The following TECPR2 variants were observed in gnomAD, a reference collection of about 807,000 sequenced individuals.
TECPR2 encodes tectonin beta-propeller repeat containing 2.
In TECPR2, 65 loss-of-function variants were observed where a neutral mutation model predicts 138.1. The observed-to-expected ratio is 0.47, with a 90% CI of 0.39 to 0.58. The LOEUF (loss-of-function observed/expected upper bound fraction) is 0.58, where lower values mean the gene tolerates loss of function less well. Ranked by LOEUF, TECPR2 falls within the 20% of genes least tolerant of loss-of-function variation. The pLI is 0.00. For missense variants in TECPR2, 1,553 were observed against 1,824.5 expected (o/e 0.85, Z 2.71); for synonymous variants, 746 against 749.8 (o/e 0.99, Z 0.08).
chr14:102,461,406 TAAATA>T (rs1890407124), intron 16 of TECPR2, among the ~76,000 whole-genome samples: 1 of 152,250 alleles, frequency 6.6e-6, no homozygotes, highest in African/African-American at 2.4e-5. Context: ...AAGTATTTTA[TAAATA>T]AAATGTCAAA....
At chr14:102,435,972 G>A (rs74444164) in intron 9 of TECPR2, among the ~76,000 whole-genome samples, 1 of 152,206 alleles carries the variant, frequency 6.6e-6, no homozygotes, top group African/African-American at 2.4e-5. Context: ...TTACAGCCAC[G>A]TGTGCTTTCC....
intron 2 of TECPR2, among the ~76,000 whole-genome samples, chr14:102,390,622 C>A (rs1037223417): frequency 6.6e-6 from 1 of 152,054 alleles, no homozygotes; most frequent in Non-Finnish European, 1.5e-5. Context: ...GGAGAGATAG[C>A]TTTTGAGAGC....
chr14:102,453,965 A>G (rs1443064312), intron 16 of TECPR2, among the ~76,000 whole-genome samples: 1 of 152,142 alleles, frequency 6.6e-6, no homozygotes. Flanking sequence ...CCTGGCCAAC[A>G]TGGTGAAACC....
In TECPR2 at chr14:102,362,950, T is replaced by C; in HGVS notation, c.-239T>C. 6.7e-7 allele frequency: 1 copy of C among 1,487,972 alleles called. No individual in the cohort carries two copies. The highest frequency in any genetic ancestry group is 1.9e-5 in the Admixed American group (1 of 53,520). 92.2% of individuals were successfully genotyped at this position (1,487,972 alleles called of 1,614,324 possible). On this transcript the variant is annotated 5_prime_UTR_variant, in exon 1 of 20. Transcript: ENST00000359520. ...CGCCCCGCCCGCTGCCACTTGTGGC[T>C]CTGCCGCTCTAGCCCCCGGCGGAGC...
intron 16 of TECPR2, among the ~76,000 whole-genome samples, chr14:102,455,555 C>T (rs770383495): frequency 6.6e-5 from 10 of 151,562 alleles, no homozygotes; most frequent in African/African-American, 9.7e-5. Context: ...TTAAGCAATC[C>T]TCGCACCTCA....
At chr14:102,478,944 G>A (rs539479428) in intron 17 of TECPR2, among the ~76,000 whole-genome samples, 21 of 151,500 alleles carry the variant, frequency 1.4e-4, no homozygotes, top group African/African-American at 5.1e-4. Flanking sequence ...TTGAGCCCAG[G>A]AGGCGGAGGT....
intron 7 of TECPR2, among the ~76,000 whole-genome samples, chr14:102,430,256 G>A (rs1889433345): frequency 6.6e-6 from 1 of 152,208 alleles, no homozygotes; most frequent in African/African-American, 2.4e-5. Context: ...TTACAGGCAT[G>A]AGCCACCGCG....
At chr14:102,414,084 T>G (rs754218394) in intron 4 of TECPR2, among the ~76,000 whole-genome samples, 2 of 152,244 alleles carry the variant, frequency 1.3e-5, no homozygotes, top group Non-Finnish European at 2.9e-5. Flanking sequence ...CTTCTAACCT[T>G]CTGTTTTCTA....
chr14:102,461,595 T>C (rs1595138265), intron 16 of TECPR2, among the ~76,000 whole-genome samples: 1 of 152,370 alleles, frequency 6.6e-6, no homozygotes, highest in African/African-American at 2.4e-5. Context: ...CAGGCTGGGC[T>C]GTGCTTCGGT....
intron 17 of TECPR2, among the ~76,000 whole-genome samples, chr14:102,491,367 C>T (rs1595150678): frequency 6.6e-6 from 1 of 152,222 alleles, no homozygotes; most frequent in Non-Finnish European, 1.5e-5. Flanking sequence ...AGGCACATGC[C>T]ACCATGCCCA....
Position 102,502,014 on chromosome 14 carries a change from C to G in TECPR2, c.*3757C>G, listed in dbSNP as rs867422312. 13 of 152,258 alleles carry G rather than the reference C, an allele frequency of 8.5e-5. No individual in the cohort carries two copies. The highest frequency in any genetic ancestry group is 3.1e-4 in the African/African-American group (13 of 41,450). The allele number at this position is 152,258 out of a possible 1,614,324, so 9.4% of individuals were successfully genotyped here. On this transcript the variant is annotated 3_prime_UTR_variant, in exon 20 of 20. Transcript: ENST00000359520. ...ACAAGTCCTAGGTCAAGGGAAACAG[C>G]ACAGCCTGTTTATAATTAGGAAACA...
rs565278185 is a variant in TECPR2, at chr14:102,375,705, G to C, written c.-72-945G>C. 3.2e-3 allele frequency among the ~76,000 whole-genome samples: 487 copies of C among 152,288 alleles called. 4 individuals are homozygous for C. The highest frequency in any genetic ancestry group is 0.011 in the African/African-American group (475 of 41,556). ...CCTGTAGAGCTAAAATATCCCTCCAGGTGTAATCAGGTACAGAGCATCTAC... is the reference window on the plus strand; with the variant it reads ...CCTGTAGAGCTAAAATATCCCTCCACGTGTAATCAGGTACAGAGCATCTAC... On this transcript the variant is annotated intron_variant, in intron 1 of 19. Coordinates refer to ENST00000359520, the MANE Select transcript of TECPR2 (RefSeq NM_014844.5).
chr14:102,392,065 C>T (rs113171328), intron 2 of TECPR2, among the ~76,000 whole-genome samples: 60 of 152,122 alleles, frequency 3.9e-4, no homozygotes, highest in African/African-American at 1.3e-3. Context: ...CTTGGCTCAC[C>T]GCAACCTCTG....
Position 102,376,976 on chromosome 14 carries a change from G to A in TECPR2, c.219+36G>A, listed in dbSNP as rs376622497. On this transcript the variant is annotated intron_variant, in intron 2 of 19. Coordinates refer to ENST00000359520, the MANE Select transcript of TECPR2 (RefSeq NM_014844.5). Reference sequence around the variant, plus strand: ...CTTTGCTTTTCACCTGAGGGGGCACGAGCCATAGCTGACGCTTAACATGCT... The same window carrying A: ...CTTTGCTTTTCACCTGAGGGGGCACAAGCCATAGCTGACGCTTAACATGCT... 56 of 1,586,760 alleles carry A rather than the reference G, an allele frequency of 3.5e-5. No homozygotes were observed. In the Middle Eastern group the frequency reaches 5.1e-4, roughly 14 times the overall value.
At chr14:102,493,195 A>G (rs982802228) in intron 17 of TECPR2, among the ~76,000 whole-genome samples, 3 of 152,198 alleles carry the variant, frequency 2.0e-5, no homozygotes, top group African/African-American at 7.2e-5. Flanking sequence ...TTCAAACCAC[A>G]GCGCGTCTCA....
At chr14:102,402,622 G>T (rs557396621) in intron 2 of TECPR2, among the ~76,000 whole-genome samples, 1 of 152,156 alleles carries the variant, frequency 6.6e-6, no homozygotes, top group African/African-American at 2.4e-5. Flanking sequence ...TTTTGTAAAG[G>T]TAAACAGAAT....
chr14:102,438,325 C>A, intron 10 of TECPR2, 120 bp downstream of exon 10: 1 of 1,297,414 alleles, frequency 7.7e-7, no homozygotes, highest in Non-Finnish European at 1.0e-6. Context: ...GCTCACGCTG[C>A]CGTGCGTTCA....
chr14:102,497,488 C>T, intron 18 of TECPR2, 82 bp from the exon 19 acceptor site: 6 of 1,403,502 alleles, frequency 4.3e-6, no homozygotes, highest in Non-Finnish European at 5.6e-6. Flanking sequence ...TGGAGGTGTG[C>T]AGCGTCACAA....
Position 102,497,735 on chromosome 14 carries a change from C to A in TECPR2, c.4081+16C>A. On this transcript the variant is annotated intron_variant, in intron 19 of 19. Transcript: ENST00000359520. ...TGTTTCACAGGCAGGTGCCCGGGGC[C>A]AGTGGGCTTAAGGCCCCTTGGGGTT... is the stretch of plus-strand genomic sequence containing the variant. 6.3e-7 allele frequency: 1 copy of A among 1,593,888 alleles called. No individual in the cohort carries two copies. Among genetic ancestry groups the A allele is most frequent in the Non-Finnish European group, 8.6e-7 (1 of 1,168,296 alleles).
Sources: gnomAD v4.1 joint callset for allele counts (sites outside exome capture counted in the v4.1 genomes callset) on GRCh38, gnomAD v4.1.1 for gene constraint, MANE v1.5 for transcripts, NCBI Gene and HGNC (gene_info 2026-07-23, HGNC 2026-07-21) for gene names.